The following HECW1 variants were observed in gnomAD, a reference collection of about 807,000 sequenced individuals.
HECW1 encodes HECT, C2 and WW domain containing E3 ubiquitin protein ligase 1.
In HECW1, 61 loss-of-function variants were observed where a neutral mutation model predicts 182.3. The ratio of observed to expected loss-of-function variants is 0.33; its 90% CI spans 0.27 to 0.41. HECW1 has a LOEUF of 0.41. Ranked by LOEUF, HECW1 falls within the 10% of genes least tolerant of loss-of-function variation. HECW1 has a pLI of 1.00. For synonymous variants in HECW1, 859 were observed against 832.6 expected (o/e 1.03, Z -0.55); for missense variants, 1,739 against 2,108.9 (o/e 0.82, Z 3.44).
rs1563136125 is a variant in HECW1 at position 43,565,582 on chromosome 7, T to TTATTATTATTTTTA, written c.*3657_*3658insATTATTATTTTTAT. On this transcript the variant is annotated 3_prime_UTR_variant, in exon 30 of 30. Coordinates refer to ENST00000395891, the MANE Select transcript of HECW1 (RefSeq NM_015052.5). ...CTTTATTATTATTATTATTATTATT[T>TTATTATTATTTTTA]TTATTATTATTATTATTACGTACTT... is the stretch of plus-strand genomic sequence containing the variant. 2 of 161,090 alleles carry TTATTATTATTTTTA rather than the reference T, an allele frequency of 1.2e-5. No homozygotes were observed. The highest frequency in any genetic ancestry group is 5.0e-5 in the African/African-American group (2 of 40,302). 10.0% of individuals were successfully genotyped at this position (161,090 alleles called of 1,614,324 possible).
intron 16 of HECW1, among the ~76,000 whole-genome samples, chr7:43,473,640 A>G (rs1384069591): frequency 6.6e-6 from 1 of 152,118 alleles, no homozygotes; most frequent in Non-Finnish European, 1.5e-5. Flanking sequence ...AAAAAAAAGT[A>G]AGGAAGTGAG....
At chr7:43,364,318 G>A (rs977364719) in intron 6 of HECW1, among the ~76,000 whole-genome samples, 2 of 152,138 alleles carry the variant, frequency 1.3e-5, no homozygotes, top group African/African-American at 4.8e-5. Flanking sequence ...TGAGGTCCTT[G>A]TTTAAAAAGA....
chr7:43,360,802 T>C, intron 5 of HECW1, 84 bp from the exon 6 acceptor site: 1 of 988,170 alleles, frequency 1.0e-6, no homozygotes, highest in Non-Finnish European at 1.6e-6. Context: ...ATGTTGCAGT[T>C]CTTAGAGATG....
chr7:43,369,181 G>T (rs755022615), intron 6 of HECW1, among the ~76,000 whole-genome samples: 1 of 152,110 alleles, frequency 6.6e-6, no homozygotes, highest in African/African-American at 2.4e-5. Flanking sequence ...ATTTAGGGCC[G>T]GGCGCAGTGG....
At chr7:43,478,125 G>A (rs1486583463) in intron 16 of HECW1, among the ~76,000 whole-genome samples, 1 of 152,108 alleles carries the variant, frequency 6.6e-6, no homozygotes, top group Non-Finnish European at 1.5e-5. Flanking sequence ...ATTTATATTC[G>A]AGAGTGTTCG....
intron 16 of HECW1, among the ~76,000 whole-genome samples, chr7:43,472,719 C>T (rs1391630769): frequency 2.0e-5 from 3 of 152,068 alleles, no homozygotes; most frequent in African/African-American, 7.2e-5. Flanking sequence ...TATATATCTA[C>T]ACATGTTCTG....
intron 17 of HECW1, among the ~76,000 whole-genome samples, chr7:43,491,562 A>T (rs1421908751): frequency 1.3e-5 from 2 of 152,156 alleles, no homozygotes; most frequent in African/African-American, 4.8e-5. Flanking sequence ...TTCTTGGGCT[A>T]TTCAGTGTAT....
At position 43,369,314 on chromosome 7, in the gene HECW1, C is replaced by T. The variant is rs183881888; in HGVS notation, c.555+8334C>T. On this transcript the variant is annotated intron_variant, in intron 6 of 29. Transcript: ENST00000395891. Reference sequence around the variant, plus strand: ...TCTCTACTAAAAATACAAAATTTGCCGGGTGTGGTGGCACATGCCTGTAAT... The same window carrying T: ...TCTCTACTAAAAATACAAAATTTGCTGGGTGTGGTGGCACATGCCTGTAAT... 2.2e-3 allele frequency among the ~76,000 whole-genome samples: 328 copies of T among 152,076 alleles called. 3 individuals are homozygous for T. Among genetic ancestry groups the T allele is most frequent in the Admixed American group, 3.8e-3 (58 of 15,278 alleles).
intron 3 of HECW1, among the ~76,000 whole-genome samples, chr7:43,297,500 G>A (rs1310400017): frequency 1.3e-5 from 2 of 152,194 alleles, no homozygotes; most frequent in Admixed American, 6.5e-5. Flanking sequence ...GGTAGCCAAG[G>A]AGAAGAGTGG....
At chr7:43,422,250 C>T (rs958035320) in intron 8 of HECW1, among the ~76,000 whole-genome samples, 2 of 152,160 alleles carry the variant, frequency 1.3e-5, no homozygotes, top group African/African-American at 4.8e-5. Flanking sequence ...CTACAATTAC[C>T]CAAACCACTG....
At chr7:43,170,064 G>C (rs1041563452) in intron 2 of HECW1, among the ~76,000 whole-genome samples, 1 of 152,172 alleles carries the variant, frequency 6.6e-6, no homozygotes, top group Non-Finnish European at 1.5e-5. Context: ...TGGCCTGTTG[G>C]GAACTGGGCC....
At chr7:43,483,840 C>T (rs973520593) in intron 17 of HECW1, among the ~76,000 whole-genome samples, 1 of 151,982 alleles carries the variant, frequency 6.6e-6, no homozygotes, top group African/African-American at 2.4e-5. Context: ...TGAGCCACCA[C>T]GCCCAGCCAC....
chr7:43,411,510 G>A (rs2075802938), intron 8 of HECW1, among the ~76,000 whole-genome samples: 1 of 152,162 alleles, frequency 6.6e-6, no homozygotes, highest in East Asian at 1.9e-4. Flanking sequence ...GGTTGACTGA[G>A]TTGTAGAGAT....
intron 2 of HECW1, among the ~76,000 whole-genome samples, chr7:43,148,458 A>G (rs1329492268): frequency 6.6e-6 from 1 of 151,554 alleles, no homozygotes; most frequent in East Asian, 1.9e-4. Flanking sequence ...CCATTCTGCC[A>G]GATGCTTTCC....
chr7:43,512,838 C>T (rs1022001524), intron 24 of HECW1, among the ~76,000 whole-genome samples: 1 of 152,174 alleles, frequency 6.6e-6, no homozygotes. Flanking sequence ...AAGGATTAAA[C>T]ATCACTCAGG....
intron 2 of HECW1, among the ~76,000 whole-genome samples, chr7:43,137,651 G>A (rs1321386341): frequency 5.3e-5 from 8 of 152,038 alleles, no homozygotes; most frequent in South Asian, 2.1e-4. Flanking sequence ...CTGGGCTCAG[G>A]TGATCCTCCC....
chr7:43,457,519 T>C (rs1204677067), intron 13 of HECW1, among the ~76,000 whole-genome samples: 1 of 152,176 alleles, frequency 6.6e-6, no homozygotes, highest in Non-Finnish European at 1.5e-5. Context: ...ACGCCTGTAA[T>C]CCCAGCACTT....
intron 3 of HECW1, among the ~76,000 whole-genome samples, chr7:43,297,040 G>C (rs1032390759): frequency 1.3e-5 from 2 of 152,190 alleles, no homozygotes; most frequent in Non-Finnish European, 2.9e-5. Context: ...ATAGCTGCCT[G>C]GGCCCCATCC....
At chr7:43,406,455 G>A (rs372757501) in intron 7 of HECW1, among the ~76,000 whole-genome samples, 104 of 152,324 alleles carry the variant, frequency 6.8e-4, no homozygotes, top group African/African-American at 2.4e-3. Flanking sequence ...AAGTGCATAT[G>A]AAAACAACTG....
Sources: allele counts gnomAD v4.1 joint callset (sites outside exome capture counted in the v4.1 genomes callset), GRCh38; gene constraint gnomAD v4.1.1; transcripts MANE v1.5; gene names NCBI Gene and HGNC (gene_info 2026-07-23, HGNC 2026-07-21).